Variants in NRF1 observed in about 807,000 individuals in gnomAD.
NRF1 encodes the protein nuclear respiratory factor 1.
A neutral mutation model predicts 58.5 loss-of-function variants in NRF1; 5 were observed. The observed-to-expected ratio is 0.09, with a 90% CI of 0.04 to 0.18. The LOEUF (loss-of-function observed/expected upper bound fraction) is 0.18, where lower values mean the gene tolerates loss of function less well. Among genes scored for constraint, NRF1 ranks in the 10% least tolerant of loss-of-function variants. The pLI is 1.00. For missense variants in NRF1, 288 were observed against 657.7 expected (o/e 0.44, Z 6.15); for synonymous variants, 224 against 246.7 (o/e 0.91, Z 0.86).
At chr7:129,737,205 G>A (rs973384330) in intron 10 of NRF1, among the ~76,000 whole-genome samples, 1 of 152,206 alleles carries the variant, frequency 6.6e-6, no homozygotes, top group African/African-American at 2.4e-5. Flanking sequence ...ATGTTGCAGA[G>A]GTGGATGCTG....
intron 5 of NRF1, among the ~76,000 whole-genome samples, chr7:129,708,825 T>G (rs1252890457): frequency 6.6e-6 from 1 of 152,134 alleles, no homozygotes; most frequent in African/African-American, 2.4e-5. Flanking sequence ...GGGGTAGATA[T>G]TCTTACTCTT....
At chr7:129,736,096 A>G (rs758688057) in intron 10 of NRF1, among the ~76,000 whole-genome samples, 6 of 152,200 alleles carry the variant, frequency 3.9e-5, no homozygotes, top group African/African-American at 7.2e-5. Flanking sequence ...ACATTTTACT[A>G]TGCATTCCAA....
chr7:129,656,232 G>A (rs1165732077), intron 1 of NRF1, among the ~76,000 whole-genome samples: 1 of 152,022 alleles, frequency 6.6e-6, no homozygotes, highest in East Asian at 1.9e-4. Flanking sequence ...TGATCAGCAA[G>A]TGACTGGTTA....
intron 2 of NRF1, among the ~76,000 whole-genome samples, chr7:129,662,233 T>C (rs1801800191): frequency 6.6e-6 from 1 of 152,144 alleles, no homozygotes; most frequent in African/African-American, 2.4e-5. Flanking sequence ...GTGTTTAAGG[T>C]GCCTTTTTTA....
At position 129,661,028 on chromosome 7, in the gene NRF1, T is replaced by C. The variant is rs543851014; in HGVS notation, c.223+3454T>C. 1.1e-3 allele frequency among the ~76,000 whole-genome samples: 170 copies of C among 151,500 alleles called. 10 individuals carry two copies. Among genetic ancestry groups the C allele is most frequent in the African/African-American group, 3.8e-3 (156 of 40,728 alleles). ...TTCCCAAACTCCAATCCTTGACTTC[T>C]GTACACTTGCAGGCTCAACACCTTT... is the stretch of plus-strand genomic sequence containing the variant. On this transcript the variant is annotated intron_variant, in intron 2 of 10. Transcript: ENST00000393232.
At chr7:129,736,769 T>A (rs1803725474) in intron 10 of NRF1, among the ~76,000 whole-genome samples, 1 of 142,980 alleles carries the variant, frequency 7.0e-6, no homozygotes, top group East Asian at 2.4e-4. Context: ...TAAGAACCTC[T>A]GCTACAGAAG....
In NRF1 at chr7:129,710,662, A is replaced by G. The variant is rs927178621; in HGVS notation, c.963+91A>G. The G allele has an allele frequency of 1.6e-5, 12 of 744,912 alleles. No homozygotes were observed. The African/African-American group carries it at 2.1e-4, about 13-fold the overall frequency. 46.1% of individuals were successfully genotyped at this position (744,912 alleles called of 1,614,324 possible). A position where few individuals can be genotyped will look rare whatever the true frequency, so the allele number is the denominator to read the frequency against. On this transcript the variant is annotated intron_variant, in intron 7 of 10. Transcript: ENST00000393232. Reference sequence around the variant, plus strand: ...ACTAGGGAAAGTTTCCTTTGTGCGAACTCTTGTATGAACTTTATATAGCTC... The same window carrying G: ...ACTAGGGAAAGTTTCCTTTGTGCGAGCTCTTGTATGAACTTTATATAGCTC...
intron 9 of NRF1, among the ~76,000 whole-genome samples, chr7:129,725,136 T>TA (rs776878521): frequency 6.6e-6 from 1 of 152,136 alleles, no homozygotes; most frequent in Non-Finnish European, 1.5e-5. Context: ...ATAGGAAGTT[T>TA]AATGGTCCAG....
chr7:129,611,942 G>A (rs1361616307), intron 1 of NRF1, 118 bp downstream of exon 1: 1 of 148,366 alleles, frequency 6.7e-6, no homozygotes, highest in African/African-American at 2.4e-5. Context: ...CCCCGGCTCT[G>A]GGCCTGGGCC....
At chr7:129,662,869 A>C (rs551838774) in intron 2 of NRF1, among the ~76,000 whole-genome samples, 19 of 152,112 alleles carry the variant, frequency 1.2e-4, no homozygotes, top group Non-Finnish European at 2.2e-4. Flanking sequence ...ACGAGAACAA[A>C]GGTCTCTGGT....
At chr7:129,701,517 C>A (rs1412054745) in intron 5 of NRF1, among the ~76,000 whole-genome samples, 1 of 151,588 alleles carries the variant, frequency 6.6e-6, no homozygotes. Context: ...ATCACTTGAA[C>A]CCGGGAGGTG....
intron 10 of NRF1, among the ~76,000 whole-genome samples, chr7:129,751,098 A>G (rs1327633181): frequency 6.6e-6 from 1 of 152,226 alleles, no homozygotes; most frequent in Non-Finnish European, 1.5e-5. Flanking sequence ...GAGGAGGAGC[A>G]TCGGAGAAGA....
intron 1 of NRF1, among the ~76,000 whole-genome samples, chr7:129,625,409 C>A (rs1019198634): frequency 6.6e-5 from 10 of 152,222 alleles, no homozygotes; most frequent in African/African-American, 1.9e-4. Flanking sequence ...GGCTTAAATT[C>A]TGTTAATGTC....
At position 129,711,481 on chromosome 7, in the gene NRF1, A is replaced by G. The variant is rs1803072255; in HGVS notation, c.970A>G (p.Thr324Ala). The change falls in exon 8 of 11, where the codon ACG (threonine) becomes GCG (alanine). Residue 324 changes from threonine to alanine, a missense_variant. Coordinates refer to ENST00000393232, the MANE Select transcript of NRF1 (RefSeq NM_005011.5). ...TTTCCATATTTTTCTTTAGGTTGGT[A>G]CGGGGGCAACAGTAGCCACATTGGC... ...DGTVSLIQVG[T>A]GATVATLADA... 1.2e-6 allele frequency: 2 copies of G among 1,610,526 alleles called. No homozygotes were observed. Among genetic ancestry groups the G allele is most frequent in the Non-Finnish European group, 1.7e-6 (2 of 1,178,278 alleles).
At chr7:129,651,464 GGA>G (rs1801534454) in intron 1 of NRF1, among the ~76,000 whole-genome samples, 4 of 151,876 alleles carry the variant, frequency 2.6e-5, no homozygotes, top group Admixed American at 2.6e-4. Flanking sequence ...AATGGGAGAG[GGA>G]GAGAGGTGGA....
At chr7:129,673,404 T>G (rs538990032) in intron 3 of NRF1, among the ~76,000 whole-genome samples, 2 of 152,204 alleles carry the variant, frequency 1.3e-5, no homozygotes, top group African/African-American at 4.8e-5. Context: ...AGGCAGTGTT[T>G]CTGTTTCATC....
intron 4 of NRF1, among the ~76,000 whole-genome samples, chr7:129,689,893 G>A (rs60910507): frequency 0.022 from 3,335 of 152,258 alleles, 117 homozygotes; most frequent in African/African-American, 0.074. Flanking sequence ...TTTCAGTCCA[G>A]TCTCTTGTAT....
At chr7:129,614,142 G>A (rs1390635821) in intron 1 of NRF1, among the ~76,000 whole-genome samples, 1 of 152,136 alleles carries the variant, frequency 6.6e-6, no homozygotes, top group Non-Finnish European at 1.5e-5. Context: ...CTTAGACGGA[G>A]TCTCACTCTG....
intron 1 of NRF1, among the ~76,000 whole-genome samples, chr7:129,614,858 T>C (rs369962939): frequency 1.9e-4 from 29 of 152,318 alleles, no homozygotes; most frequent in Admixed American, 5.2e-4. Flanking sequence ...CTTCCCATGA[T>C]TTAAATACCT....
Sources: allele counts gnomAD v4.1 joint callset (sites outside exome capture counted in the v4.1 genomes callset), GRCh38; gene constraint gnomAD v4.1.1; transcripts MANE v1.5; gene names NCBI Gene and HGNC (gene_info 2026-07-23, HGNC 2026-07-21).